Variants in PTAR1 observed in about 807,000 individuals in gnomAD.
PTAR1 encodes the protein protein prenyltransferase alpha subunit repeat-containing protein 1.
A neutral mutation model predicts 45.5 loss-of-function variants in PTAR1; 17 were observed. The observed-to-expected ratio is 0.37, with a 90% CI of 0.26 to 0.56. PTAR1 has a LOEUF of 0.56. PTAR1 is among the 20% of genes least tolerant of loss of function. The probability of loss-of-function intolerance (pLI) is 0.77; values close to 1 mark genes in which losing one functional copy is unlikely to be tolerated. For synonymous variants in PTAR1, 169 were observed against 171.3 expected (o/e 0.99, Z 0.11); for missense variants, 391 against 476.3 (o/e 0.82, Z 1.67).
rs781265092 is a variant in PTAR1 at position 69,759,904 on chromosome 9, A to G, written c.35T>C (p.Val12Ala). ...AETSEEVAVLVQRVVKDITNA... is the reference protein window; with the variant it reads ...AETSEEVAVLAQRVVKDITNA... Reference sequence around the variant, plus strand: ...AGTGATGTCCTTCACAACCCGCTGCACCAGCACCGCCACCTCCTCGCTGGT... The same window carrying G: ...AGTGATGTCCTTCACAACCCGCTGCGCCAGCACCGCCACCTCCTCGCTGGT... The change falls in exon 1 of 8, where the codon GTG becomes GCG. Residue 12 changes from valine to alanine, a missense_variant. Coordinates refer to ENST00000340434, the MANE Select transcript of PTAR1 (RefSeq NM_001099666.2). The G allele has an allele frequency of 1.2e-5, 19 of 1,527,106 alleles. No homozygotes were observed. The East Asian group carries it at 5.0e-4, about 40-fold the overall frequency. The allele number at this position is 1,527,106 out of a possible 1,614,324, so 94.6% of individuals were successfully genotyped here.
Position 69,715,603 on chromosome 9 carries a change from T to C in PTAR1, c.*2739A>G, listed in dbSNP as rs539990737. The C allele has an allele frequency of 1.3e-5, 2 of 152,106 alleles. No homozygotes were observed. Among genetic ancestry groups the C allele is most frequent in the Non-Finnish European group, 2.9e-5 (2 of 67,990 alleles). 9.4% of individuals were successfully genotyped at this position (152,106 alleles called of 1,614,324 possible). ...CTTCCAGTGAAAGTTTAATGAAATA[T>C]GTGTCAATAAGCCATCTTTTCCTTT... is the stretch of plus-strand genomic sequence containing the variant. On this transcript the variant is annotated 3_prime_UTR_variant, in exon 8 of 8. Coordinates refer to ENST00000340434, the MANE Select transcript of PTAR1 (RefSeq NM_001099666.2).
chr9:69,755,743 T>A (rs566903244), intron 1 of PTAR1, among the ~76,000 whole-genome samples: 1 of 152,306 alleles, frequency 6.6e-6, no homozygotes, highest in South Asian at 2.1e-4. Context: ...TAATTAAAAT[T>A]CTCCTGGTGA....
At chr9:69,730,075 G>C (rs1825464767) in intron 5 of PTAR1, among the ~76,000 whole-genome samples, 1 of 152,104 alleles carries the variant, frequency 6.6e-6, no homozygotes, top group Non-Finnish European at 1.5e-5. Context: ...AAGCATAGTA[G>C]TAAATGTTCT....
intron 5 of PTAR1, among the ~76,000 whole-genome samples, chr9:69,727,038 C>T (rs935126476): frequency 1.3e-5 from 2 of 150,644 alleles, no homozygotes; most frequent in Non-Finnish European, 3.0e-5. Flanking sequence ...CACACACACA[C>T]ACACACACAC....
chr9:69,741,500 C>A, intron 3 of PTAR1: 2 of 333,598 alleles, frequency 6.0e-6, no homozygotes, highest in Non-Finnish European at 5.6e-6. Context: ...CCAGTTATGC[C>A]CATTGCCCAT....
In PTAR1 at chr9:69,714,663, T is replaced by C. The variant is rs1824658445; in HGVS notation, c.*3679A>G. The C allele has an allele frequency of 6.6e-6, 1 of 152,148 alleles. No individual in the cohort carries two copies. The highest frequency in any genetic ancestry group is 2.4e-5 in the African/African-American group (1 of 41,460). The allele number at this position is 152,148 out of a possible 1,614,324, so 9.4% of individuals were successfully genotyped here. On this transcript the variant is annotated 3_prime_UTR_variant, in exon 8 of 8. Coordinates refer to ENST00000340434, the MANE Select transcript of PTAR1 (RefSeq NM_001099666.2). Reference sequence around the variant, plus strand: ...TTTTGTTTCCGTATCTTGTATCACATAAGCCCTTATTTAAAAATTTAAGTA... The same window carrying C: ...TTTTGTTTCCGTATCTTGTATCACACAAGCCCTTATTTAAAAATTTAAGTA...
chr9:69,740,342 T>C (rs1343779961), intron 3 of PTAR1, among the ~76,000 whole-genome samples: 1 of 152,112 alleles, frequency 6.6e-6, no homozygotes, highest in Non-Finnish European at 1.5e-5. Context: ...TAGGTTTTTT[T>C]CTCCTATGCT....
At chr9:69,719,172 G>A (rs190418428) in intron 6 of PTAR1, among the ~76,000 whole-genome samples, 30 of 152,262 alleles carry the variant, frequency 2.0e-4, no homozygotes, top group Admixed American at 7.8e-4. Context: ...CATATCTGTT[G>A]TAGTGGGTCT....
intron 5 of PTAR1, among the ~76,000 whole-genome samples, chr9:69,725,184 T>C (rs959849952): frequency 1.3e-5 from 2 of 152,206 alleles, no homozygotes; most frequent in African/African-American, 4.8e-5. Flanking sequence ...ACTCCACTTA[T>C]TTAAAATGAA....
chr9:69,722,334 G>A (rs1825048856), intron 6 of PTAR1, among the ~76,000 whole-genome samples: 1 of 152,118 alleles, frequency 6.6e-6, no homozygotes, highest in Non-Finnish European at 1.5e-5. Flanking sequence ...CCAAATAAAG[G>A]AAGATCCAAA....
chr9:69,759,427 G>A (rs535429216), intron 1 of PTAR1, among the ~76,000 whole-genome samples: 41 of 152,234 alleles, frequency 2.7e-4, no homozygotes, highest in Non-Finnish European at 5.3e-4. Flanking sequence ...AAAAGTAAGA[G>A]GATCGGTTAC....
chr9:69,732,571 G>T (rs1314105604), intron 4 of PTAR1, among the ~76,000 whole-genome samples: 2 of 149,600 alleles, frequency 1.3e-5, no homozygotes, highest in Non-Finnish European at 3.0e-5. Context: ...TGGATAAACA[G>T]GAAAAAAAAA....
chr9:69,748,381 G>A (rs1027306442), intron 2 of PTAR1, among the ~76,000 whole-genome samples: 5 of 140,668 alleles, frequency 3.6e-5, no homozygotes, highest in African/African-American at 8.1e-5. Flanking sequence ...CTCCCAAACC[G>A]AATGTATTAC....
Position 69,715,642 on chromosome 9 carries a change from G to A in PTAR1, c.*2700C>T, listed in dbSNP as rs1824700438. On this transcript the variant is annotated 3_prime_UTR_variant, in exon 8 of 8. Coordinates refer to ENST00000340434, the MANE Select transcript of PTAR1 (RefSeq NM_001099666.2). ...ATCTTTTCCTTTTAACAATTAGATT[G>A]TTATAGAAAAATAAGTGAAGACTAA... 6.6e-6 allele frequency: 1 copy of A among 151,978 alleles called. No individual in the cohort carries two copies. Among genetic ancestry groups the A allele is most frequent in the Non-Finnish European group, 1.5e-5 (1 of 67,964 alleles). 9.4% of individuals were successfully genotyped at this position (151,978 alleles called of 1,614,324 possible). A position where few individuals can be genotyped will look rare whatever the true frequency, so the allele number is the denominator to read the frequency against.
chr9:69,754,530 A>ATTTTTT (rs1588489795), intron 1 of PTAR1, among the ~76,000 whole-genome samples: 2 of 117,222 alleles, frequency 1.7e-5, no homozygotes, highest in Admixed American at 8.7e-5. Context: ...TTGGGTATAT[A>ATTTTTT]TCTTTTTTTT....
chr9:69,751,758 T>C (rs988884638), intron 1 of PTAR1, among the ~76,000 whole-genome samples: 1 of 152,096 alleles, frequency 6.6e-6, no homozygotes, highest in East Asian at 1.9e-4. Context: ...TATATTTTCC[T>C]GAATTAAAAA....
intron 5 of PTAR1, among the ~76,000 whole-genome samples, chr9:69,728,584 A>G (rs964658404): frequency 1.3e-5 from 2 of 152,184 alleles, no homozygotes; most frequent in Non-Finnish European, 2.9e-5. Context: ...AAGATGGTGA[A>G]TATCTTTTCA....
chr9:69,759,324 G>C (rs977656464), intron 1 of PTAR1, among the ~76,000 whole-genome samples: 78 of 152,204 alleles, frequency 5.1e-4, no homozygotes, highest in African/African-American at 1.9e-3. Flanking sequence ...TGTATTATCG[G>C]AGTCACTTTA....
At chr9:69,744,385 CTT>C (rs68024709) in intron 2 of PTAR1, among the ~76,000 whole-genome samples, 28 of 146,030 alleles carry the variant, frequency 1.9e-4, no homozygotes, top group Non-Finnish European at 2.4e-4. Context: ...TTCATCTCTG[CTT>C]TTTTTTTTTT....
Sources: allele counts gnomAD v4.1 joint callset (sites outside exome capture counted in the v4.1 genomes callset), GRCh38; gene constraint gnomAD v4.1.1; transcripts MANE v1.5; gene names NCBI Gene and HGNC (gene_info 2026-07-23, HGNC 2026-07-21).